The following LIN9 variants were observed in gnomAD, a reference collection of about 807,000 sequenced individuals.
LIN9 encodes protein lin-9 homolog.
In LIN9, 18 loss-of-function variants were observed where a neutral mutation model predicts 78.0. The ratio of observed to expected loss-of-function variants is 0.23; its 90% CI spans 0.16 to 0.34. The LOEUF is 0.34. Among genes scored for constraint, LIN9 ranks in the 10% least tolerant of loss-of-function variants. LIN9 has a pLI of 1.00. For synonymous variants in LIN9, 192 were observed against 215.2 expected, an observed-to-expected ratio of 0.89 and a Z score of 0.94; for missense variants, 451 against 644.1, an observed-to-expected ratio of 0.70 and a Z score of 3.25.
chr1:226,241,624 T>C (rs1658115791), intron 11 of LIN9, among the ~76,000 whole-genome samples: 1 of 152,088 alleles, frequency 6.6e-6, no homozygotes, highest in Non-Finnish European at 1.5e-5. Flanking sequence ...TTTGGGAGGC[T>C]GAGGCGGGTG....
In LIN9 at chr1:226,250,912, A is replaced by G; in HGVS notation, c.1046T>C (p.Leu349Ser). Residue 349 changes from leucine (L) to serine (S), a missense_variant, in exon 11 of 15, where the codon TTA (leucine) becomes TCA (serine). Physicochemically the swap from Leu to Ser is moderately radical, Grantham distance 145. Coordinates refer to ENST00000681046, the MANE Select transcript of LIN9 (RefSeq NM_001366245.2). ...PVEFLIQVTR[L>S]SKILMIKKEH... is the part of the protein sequence containing the mutation. ...CTTTTTAATCATGAGAATTTTTGAT[A>G]ATCTGGTCTACAGACAAAGAAGAAA... The G allele has an allele frequency of 6.7e-7, 1 of 1,485,844 alleles. No individual in the cohort carries two copies. The highest frequency in any genetic ancestry group is 9.3e-7 in the Non-Finnish European group (1 of 1,072,558). 92.0% of individuals were successfully genotyped at this position (1,485,844 alleles called of 1,614,324 possible).
intron 14 of LIN9, 75 bp from the exon 15 acceptor site, chr1:226,232,681 A>AT (rs1329594759): frequency 7.6e-6 from 6 of 794,324 alleles, no homozygotes; most frequent in Non-Finnish European, 1.0e-5. Context: ...GAAGACCTGA[A>AT]TTTTAGTTAG....
At chr1:226,268,130 C>G in intron 7 of LIN9, 40 bp from the exon 8 acceptor site, 2 of 1,588,802 alleles carry the variant, frequency 1.3e-6, no homozygotes, top group Non-Finnish European at 1.7e-6. Context: ...GTGGGAGATA[C>G]AAAGAATAGT....
At chr1:226,246,134 G>A (rs1658462494) in intron 11 of LIN9, among the ~76,000 whole-genome samples, 1 of 152,032 alleles carries the variant, frequency 6.6e-6, no homozygotes. Flanking sequence ...TTCATTCCCT[G>A]AATCTTCATG....
chr1:226,266,150 T>G, intron 9 of LIN9, 63 bp downstream of exon 9: 1 of 1,208,680 alleles, frequency 8.3e-7, no homozygotes, highest in Non-Finnish European at 1.1e-6. Flanking sequence ...GTGTATTTCT[T>G]AAGAACATAG....
At chr1:226,258,895 A>AAC (rs1659384739) in intron 10 of LIN9, among the ~76,000 whole-genome samples, 1 of 26,100 alleles carries the variant, frequency 3.8e-5, no homozygotes, top group African/African-American at 1.5e-4. Flanking sequence ...CTGTCTCAAC[A>AAC]AAAAAAAAAA....
rs57329585 is a variant in LIN9, at chr1:226,252,318, A to AAATGAATG, written c.1039-1407_1039-1400dup. ...TAAATAAATAAATAAATAAATAAAT[A>AAATGAATG]AATGAATGAATGAATGAATGTCTCC... On this transcript the variant is annotated intron_variant, in intron 10 of 14. Coordinates refer to ENST00000681046, the MANE Select transcript of LIN9 (RefSeq NM_001366245.2). Among the ~76,000 whole-genome samples, 517 of 135,978 alleles carry AAATGAATG rather than the reference A, an allele frequency of 3.8e-3. 2 individuals carry two copies. The highest frequency in any genetic ancestry group is 0.011 in the African/African-American group (388 of 35,350). 89.2% of individuals were successfully genotyped at this position (135,978 alleles called of 152,430 possible).
chr1:226,283,524 G>C (rs1661206977), intron 6 of LIN9, among the ~76,000 whole-genome samples: 1 of 151,970 alleles, frequency 6.6e-6, no homozygotes, highest in South Asian at 2.1e-4. Flanking sequence ...TCTGTAATAA[G>C]ATGTGATGGA....
At chr1:226,296,552 T>C (rs954525781) in intron 3 of LIN9, among the ~76,000 whole-genome samples, 1 of 152,104 alleles carries the variant, frequency 6.6e-6, no homozygotes, top group Non-Finnish European at 1.5e-5. Context: ...GATTTTACAG[T>C]TCACCCTAGG....
chr1:226,238,874 T>G, intron 12 of LIN9, 97 bp downstream of exon 12: 1 of 1,224,634 alleles, frequency 8.2e-7, no homozygotes, highest in Non-Finnish European at 1.1e-6. Flanking sequence ...AAGGACTTTA[T>G]GAAGATATTG....
rs375104679 is a variant in LIN9, at chr1:226,283,951, A to G, written c.524+2382T>C. On this transcript the variant is annotated intron_variant, in intron 6 of 14. Transcript: ENST00000681046. ...AGCAAGACTCCCATCTCAAAAAAAA[A>G]AGAGAGAGAGAGAGAAAGGCCTTTT... Among the ~76,000 whole-genome samples the G allele has an allele frequency of 2.0e-4, 31 of 151,968 alleles. No individual in the cohort carries two copies. In the East Asian group the frequency reaches 2.5e-3, roughly 12 times the overall value.
intron 7 of LIN9, among the ~76,000 whole-genome samples, chr1:226,276,243 A>C (rs763937522): frequency 6.6e-6 from 1 of 152,192 alleles, no homozygotes; most frequent in Admixed American, 6.5e-5. Flanking sequence ...TCTGAGAGTC[A>C]CTCTTCACGT....
At chr1:226,294,719 T>C (rs1212526905) in intron 4 of LIN9, among the ~76,000 whole-genome samples, 1 of 152,128 alleles carries the variant, frequency 6.6e-6, no homozygotes, top group African/African-American at 2.4e-5. Context: ...TCAGAAGTTA[T>C]AAATTGAATA....
intron 8 of LIN9, among the ~76,000 whole-genome samples, chr1:226,267,606 T>C (rs1393398392): frequency 3.3e-5 from 5 of 152,016 alleles, no homozygotes; most frequent in Non-Finnish European, 7.4e-5. Context: ...GTACAAGATG[T>C]TACTATACTT....
intron 10 of LIN9, among the ~76,000 whole-genome samples, chr1:226,259,110 G>C (rs1010932402): frequency 6.6e-5 from 10 of 150,998 alleles, no homozygotes; most frequent in African/African-American, 2.4e-4. Context: ...ACAGGTGTCT[G>C]CCACCACACC....
intron 10 of LIN9, among the ~76,000 whole-genome samples, chr1:226,257,755 A>T (rs1659293995): frequency 6.6e-6 from 1 of 152,254 alleles, no homozygotes; most frequent in Admixed American, 6.5e-5. Flanking sequence ...ATATAAAAAT[A>T]GAAATAAAGA....
chr1:226,238,365 C>A (rs1025980522), intron 12 of LIN9, among the ~76,000 whole-genome samples: 1 of 152,094 alleles, frequency 6.6e-6, no homozygotes, highest in Non-Finnish European at 1.5e-5. Context: ...GGCACAGTGG[C>A]TCACACCTAT....
intron 7 of LIN9, among the ~76,000 whole-genome samples, chr1:226,275,710 A>G (rs1034476697): frequency 7.0e-6 from 1 of 142,398 alleles, no homozygotes. Flanking sequence ...AAAAAAAAAA[A>G]AAGAAAAAAA....
At chr1:226,246,974 G>A (rs190008814) in intron 11 of LIN9, among the ~76,000 whole-genome samples, 263 of 151,590 alleles carry the variant, frequency 1.7e-3, no homozygotes, top group Non-Finnish European at 2.8e-3. Flanking sequence ...CTGCTATTCC[G>A]TTACACATTA....
Sources: gnomAD v4.1 joint callset for allele counts (sites outside exome capture counted in the v4.1 genomes callset) on GRCh38, gnomAD v4.1.1 for gene constraint, MANE v1.5 for transcripts, NCBI Gene and HGNC (gene_info 2026-07-23, HGNC 2026-07-21) for gene names.